Variants in KLC1 observed in about 807,000 individuals in gnomAD.
KLC1 encodes the protein kinesin light chain 1.
A neutral mutation model predicts 84.2 loss-of-function variants in KLC1; 30 were observed. The observed-to-expected ratio is 0.36, with a 90% confidence interval of 0.27 to 0.48. KLC1 has a LOEUF of 0.48. KLC1 is among the 20% of genes least tolerant of loss of function. KLC1 has a pLI of 0.99. For synonymous variants in KLC1, 289 were observed against 293.3 expected, an observed-to-expected ratio of 0.99 and a Z score of 0.15; for missense variants, 499 against 805.4, an observed-to-expected ratio of 0.62 and a Z score of 4.60.
chr14:103,634,198 TTTTTA>T (rs2076887861), intron 1 of KLC1, among the ~76,000 whole-genome samples: 1 of 152,192 alleles, frequency 6.6e-6, no homozygotes, highest in African/African-American at 2.4e-5. Context: ...CATTTTAAAA[TTTTTA>T]TTGTTTGTCT....
intron 13 of KLC1, among the ~76,000 whole-genome samples, chr14:103,684,314 T>C (rs767857349): frequency 6.6e-6 from 1 of 152,272 alleles, no homozygotes; most frequent in Non-Finnish European, 1.5e-5. Context: ...CTATTAATCC[T>C]GCTCAGGTAA....
chr14:103,685,116 C>G (rs2081677180), intron 13 of KLC1: 1 of 1,502,864 alleles, frequency 6.7e-7, no homozygotes, highest in Non-Finnish European at 8.9e-7. Flanking sequence ...TGGCAGGACC[C>G]AGGACGCATT....
chr14:103,689,474 T>G (rs1442135101), intron 14 of KLC1, among the ~76,000 whole-genome samples: 9 of 152,184 alleles, frequency 5.9e-5, no homozygotes, highest in Non-Finnish European at 5.9e-5. Flanking sequence ...GGAAATTGCA[T>G]CCCGTAAAAT....
At chr14:103,646,302 A>T (rs533297385) in intron 1 of KLC1, among the ~76,000 whole-genome samples, 1 of 152,154 alleles carries the variant, frequency 6.6e-6, no homozygotes, top group Admixed American at 6.6e-5. Context: ...TTAGTGTGTA[A>T]TGAGAACTAT....
chr14:103,629,892 C>T (rs1246919925), intron 1 of KLC1, among the ~76,000 whole-genome samples: 1 of 152,184 alleles, frequency 6.6e-6, no homozygotes, highest in Non-Finnish European at 1.5e-5. Context: ...CCCCGGGAAC[C>T]CGCGACAGGG....
At chr14:103,651,164 C>T (rs1414461247) in intron 1 of KLC1, among the ~76,000 whole-genome samples, 1 of 152,068 alleles carries the variant, frequency 6.6e-6, no homozygotes, top group African/African-American at 2.4e-5. Flanking sequence ...TGTGCACCAC[C>T]ACGCCCGGCT....
intron 15 of KLC1, chr14:103,695,298 C>G (rs1555425961): frequency 1.4e-6 from 1 of 696,148 alleles, no homozygotes; most frequent in Non-Finnish European, 1.7e-6. Context: ...CTGTGTCTAG[C>G]AAAAAAAACC....
chr14:103,647,315 C>T (rs896022083), intron 1 of KLC1, among the ~76,000 whole-genome samples: 1 of 152,030 alleles, frequency 6.6e-6, no homozygotes, highest in Non-Finnish European at 1.5e-5. Flanking sequence ...CCTCCACTTT[C>T]CAGGTTCAAG....
At position 103,685,093 on chromosome 14, in the gene KLC1, C is replaced by T. The variant is rs1420061423; in HGVS notation, c.1651-1988C>T. ...CCGTCTGGCGCTTCTGTCGAGACGT[C>T]GGCTTTCCAACCTGGCAGGACCCAG... On this transcript the variant is annotated intron_variant, in intron 13 of 16. Transcript: ENST00000334553. 86 of 1,531,498 alleles carry T rather than the reference C, an allele frequency of 5.6e-5. No homozygotes were observed. In the Admixed American group the frequency reaches 1.7e-3, roughly 30 times the overall value. 94.9% of individuals were successfully genotyped at this position (1,531,498 alleles called of 1,614,324 possible).
At chr14:103,676,667 T>G (rs2080909831) in intron 11 of KLC1, among the ~76,000 whole-genome samples, 1 of 152,194 alleles carries the variant, frequency 6.6e-6, no homozygotes, top group Non-Finnish European at 1.5e-5. Flanking sequence ...TTACCATAGA[T>G]TACTTGTTTC....
At chr14:103,690,361 TC>T (rs2082026134) in intron 14 of KLC1, among the ~76,000 whole-genome samples, 2 of 152,236 alleles carry the variant, frequency 1.3e-5, no homozygotes, top group Admixed American at 1.3e-4. Flanking sequence ...TTTTGTTTTG[TC>T]CTGGTTGGGA....
chr14:103,693,136 C>T lies in KLC1; in HGVS notation c.1848+711C>T, dbSNP rs552938534. ...TGCCCCTGTGCTGGTGCTGAGAGTT[C>T]GCGACAGTGGCCAGGCACTGCCCTC... is the stretch of plus-strand genomic sequence containing the variant. On this transcript the variant is annotated intron_variant, in intron 15 of 16. Transcript: ENST00000334553. The surrounding 1 kb of genome is among the most constrained non-coding windows in gnomAD (Gnocchi z 5.1). 5.9e-5 allele frequency among the ~76,000 whole-genome samples: 9 copies of T among 152,318 alleles called. No individual in the cohort carries two copies. The highest frequency in any genetic ancestry group is 1.0e-4 in the Non-Finnish European group (7 of 68,030).
chr14:103,664,517 G>C (rs1490865400), intron 5 of KLC1, among the ~76,000 whole-genome samples: 1 of 151,746 alleles, frequency 6.6e-6, no homozygotes, highest in Non-Finnish European at 1.5e-5. Context: ...CTCTTAATTA[G>C]ATTGAGACAT....
intron 13 of KLC1, chr14:103,685,086 G>C: frequency 2.0e-6 from 3 of 1,537,062 alleles, no homozygotes; most frequent in Non-Finnish European, 2.6e-6. Flanking sequence ...CGCTTCTGTC[G>C]AGACGTCGGC....
rs772226216 is a variant in KLC1, at chr14:103,654,691, A to T, written c.127A>T (p.Asn43Tyr). The change falls in exon 2 of 17, where the codon AAT (asparagine) becomes TAT (tyrosine). Residue 43 changes from asparagine (N) to tyrosine (Y), a missense_variant. By Grantham distance (143) the Asn-to-Tyr change is moderately radical (BLOSUM62 -2). Around this residue, in one of 3 missense-constraint regions of KLC1, gnomAD observed 179 missense variants for 264.2 expected, o/e 0.68. Coordinates refer to ENST00000334553, the MANE Select transcript of KLC1 (RefSeq NM_001394837.1). ...GCTGGAAGCTTTGAAGAATGAGCAC[A>T]ATTCCATTTTACAAAGTTTGCTGGA... The part of the protein sequence containing the change: ...QGLEALKNEH[N>Y]SILQSLLETL... 1 of 1,614,238 alleles carries T rather than the reference A, an allele frequency of 6.2e-7. No individual in the cohort carries two copies. The highest frequency in any genetic ancestry group is 1.3e-5 in the African/African-American group (1 of 75,056).
intron 5 of KLC1, among the ~76,000 whole-genome samples, chr14:103,663,372 G>A (rs892733317): frequency 5.3e-5 from 8 of 152,128 alleles, no homozygotes; most frequent in East Asian, 3.9e-4. Flanking sequence ...GAGCCACCGC[G>A]CCCGGCCTAT....
Position 103,694,216 on chromosome 14 carries a change from C to G in KLC1, c.1848+1791C>G. 1 of 985,166 alleles carries G rather than the reference C, an allele frequency of 1.0e-6. No individual in the cohort carries two copies. The highest frequency in any genetic ancestry group is 4.7e-5 in the South Asian group (1 of 21,266). The allele number at this position is 985,166 out of a possible 1,614,324, so 61.0% of individuals were successfully genotyped here. A position where few individuals can be genotyped will look rare whatever the true frequency, so the allele number is the denominator to read the frequency against. On this transcript the variant is annotated intron_variant, in intron 15 of 16. Transcript: ENST00000334553. This position sits in a 1 kb window ranked among gnomAD's most constrained non-coding sequence, Gnocchi z 4.5. ...TTTGAGCTGTGTTCTCCCGGACGCC[C>G]CTGCACACGAAGCCCATAGAGACGT...
At chr14:103,664,819 C>CTT (rs34967823) in intron 5 of KLC1, among the ~76,000 whole-genome samples, 103 of 101,950 alleles carry the variant, frequency 1.0e-3, no homozygotes, top group Non-Finnish European at 1.2e-3. Flanking sequence ...TTGGCCAAGG[C>CTT]TTTTTTTTTT....
rs61349493 is a variant in KLC1, at chr14:103,693,092, G to C, written c.1848+667G>C. 0.053 allele frequency among the ~76,000 whole-genome samples: 8,015 copies of C among 152,334 alleles called. 241 individuals carry two copies. Among genetic ancestry groups the C allele is most frequent in the South Asian group, 0.093 (448 of 4,834 alleles). Reference sequence around the variant, plus strand: ...TGGGGCCCACCCGGCAGCTCGAGCTGTTGGGACTTGGCAGTCCCTGCCCCT... The same window carrying C: ...TGGGGCCCACCCGGCAGCTCGAGCTCTTGGGACTTGGCAGTCCCTGCCCCT... On this transcript the variant is annotated intron_variant, in intron 15 of 16. Coordinates refer to ENST00000334553, the MANE Select transcript of KLC1 (RefSeq NM_001394837.1). The surrounding 1 kb of genome is among the most constrained non-coding windows in gnomAD (Gnocchi z 5.1).
Sources: allele counts gnomAD v4.1 joint callset (sites outside exome capture counted in the v4.1 genomes callset), GRCh38; gene constraint gnomAD v4.1.1; regional missense constraint gnomAD v4.1.1; non-coding constraint Gnocchi (gnomAD v3.1); transcripts MANE v1.5; gene names NCBI Gene and HGNC (gene_info 2026-07-23, HGNC 2026-07-21).